The following FER1L5 variants were observed in gnomAD, a reference collection of about 807,000 sequenced individuals.
The protein encoded by FER1L5 is fer-1 like family member 5.
In FER1L5, 187 loss-of-function variants were observed where a neutral mutation model predicts 279.9. The ratio of observed to expected loss-of-function variants is 0.67; its 90% CI spans 0.59 to 0.75. The LOEUF (loss-of-function observed/expected upper bound fraction) is 0.75, where lower values mean the gene tolerates loss of function less well. Among genes scored for constraint, FER1L5 ranks in the 30% least tolerant of loss-of-function variants. The pLI is 0.00. For synonymous variants in FER1L5, 921 were observed against 989.7 expected (o/e 0.93, Z 1.30); for missense variants, 2,091 against 2,594.4 (o/e 0.81, Z 4.21).
chr2:96,659,399 T>G (rs1305539283), intron 9 of FER1L5, among the ~76,000 whole-genome samples: 1 of 9,414 alleles, frequency 1.1e-4, no homozygotes, highest in Non-Finnish European at 2.1e-4. Flanking sequence ...CTTTCTTTCT[T>G]TCTTTCTTTC....
rs551067975 is a variant in FER1L5, at chr2:96,694,272, C to T, written c.3637-88C>T. The T allele has an allele frequency of 8.1e-6, 11 of 1,363,394 alleles. No individual in the cohort carries two copies. The South Asian group carries it at 1.2e-4, about 15-fold the overall frequency. The allele number at this position is 1,363,394 out of a possible 1,614,324, so 84.5% of individuals were successfully genotyped here. A position where few individuals can be genotyped will look rare whatever the true frequency, so the allele number is the denominator to read the frequency against. On this transcript the variant is annotated intron_variant, in intron 33 of 52. Transcript: ENST00000624922. This position sits in a 1 kb window ranked among gnomAD's most constrained non-coding sequence, Gnocchi z 4.6. ...GCCCCTACCCATGGGGCTCTGGGCT[C>T]GGTGAGGCCTCTGAGGGACCTGCTT...
At position 96,687,862 on chromosome 2, in the gene FER1L5, G is replaced by A. The variant is rs537178633; in HGVS notation, c.2276G>A (p.Arg759Gln). The change falls in exon 24 of 53, where the codon CGG becomes CAG. Residue 759 changes from arginine to glutamine, a missense_variant. Coordinates refer to ENST00000624922, the MANE Select transcript of FER1L5 (RefSeq NM_001293083.2). ...GQKDVLPAHL[R>Q]VCMWLGNVTD... ...AAGGATGTGCTCCCAGCTCACCTCCGGGTCTGCATGTGGCTTGGCAATGTC... is the reference window on the plus strand; with the variant it reads ...AAGGATGTGCTCCCAGCTCACCTCCAGGTCTGCATGTGGCTTGGCAATGTC... 4.9e-5 allele frequency: 76 copies of A among 1,551,290 alleles called. No individual in the cohort carries two copies. In the South Asian group the frequency reaches 5.7e-4, roughly 12 times the overall value.
Position 96,702,375 on chromosome 2 carries a change from G to A in FER1L5, c.5229G>A (p.Glu1743=). The A allele has an allele frequency of 6.2e-7, 1 of 1,612,768 alleles. No individual in the cohort carries two copies. The highest frequency in any genetic ancestry group is 1.1e-5 in the South Asian group (1 of 90,650). Residue 1743 remains glutamate (E), a synonymous_variant, in exon 47 of 53, where the codon GAG becomes GAA. Transcript: ENST00000624922. The surrounding 1 kb of genome is among the most constrained non-coding windows in gnomAD (Gnocchi z 4.0). The stretch of plus-strand genomic sequence containing the variant: ...TGGTGGATGACAATTTAAGTAGAGA[G>A]AAGACGAGCGACATCTACATCAAAG... ...VDLVDDNLSR[E]KTSDIYIKGW... is the part of the protein sequence containing the mutation.
In FER1L5 at chr2:96,694,270, C is replaced by T. The variant is rs2077275352; in HGVS notation, c.3637-90C>T. ...CAGCCCCTACCCATGGGGCTCTGGG[C>T]TCGGTGAGGCCTCTGAGGGACCTGC... On this transcript the variant is annotated intron_variant, in intron 33 of 52. Transcript: ENST00000624922. This position sits in a 1 kb window ranked among gnomAD's most constrained non-coding sequence, Gnocchi z 4.6. The T allele has an allele frequency of 2.9e-6, 4 of 1,358,688 alleles. No individual in the cohort carries two copies. Among genetic ancestry groups the T allele is most frequent in the Non-Finnish European group, 3.9e-6 (4 of 1,014,480 alleles). 84.2% of individuals were successfully genotyped at this position (1,358,688 alleles called of 1,614,324 possible).
chr2:96,658,116 A>G (rs2075671751), intron 9 of FER1L5, among the ~76,000 whole-genome samples: 1 of 151,082 alleles, frequency 6.6e-6, no homozygotes, highest in Non-Finnish European at 1.5e-5. Flanking sequence ...TCCTGGGTTC[A>G]CATGATTTTC....
chr2:96,664,349 A>T (rs2076056398), intron 14 of FER1L5, among the ~76,000 whole-genome samples: 1 of 151,620 alleles, frequency 6.6e-6, no homozygotes, highest in Non-Finnish European at 1.5e-5. Flanking sequence ...TTCCTATTCC[A>T]CCCCCTCCCA....
In FER1L5 at chr2:96,685,836, G is replaced by T. The variant is rs1304437517; in HGVS notation, c.1896-104G>T. On this transcript the variant is annotated intron_variant, in intron 21 of 52. Transcript: ENST00000624922. Reference sequence around the variant, plus strand: ...CCAGGCTAGCAGCAGATGGGGGCAGGATCTTGAGGCCAGGAGGGGCACGCT... The same window carrying T: ...CCAGGCTAGCAGCAGATGGGGGCAGTATCTTGAGGCCAGGAGGGGCACGCT... 4 of 1,370,832 alleles carry T rather than the reference G, an allele frequency of 2.9e-6. No individual in the cohort carries two copies. In the South Asian group the frequency reaches 6.1e-5, roughly 21 times the overall value. The allele number at this position is 1,370,832 out of a possible 1,614,324, so 84.9% of individuals were successfully genotyped here.
At chr2:96,703,422 A>C (rs776164032) in intron 50 of FER1L5, 76 bp downstream of exon 50, 12 of 1,601,826 alleles carry the variant, frequency 7.5e-6, no homozygotes, top group Non-Finnish European at 9.4e-6. Flanking sequence ...CTAGGGACCT[A>C]GCTAAATCCC....
At chr2:96,648,128 G>A (rs2106426061) in intron 4 of FER1L5, among the ~76,000 whole-genome samples, 1 of 152,316 alleles carries the variant, frequency 6.6e-6, no homozygotes, top group Middle Eastern at 3.4e-3. Context: ...ATTGCCTTAA[G>A]CCCATGGTCT....
chr2:96,693,547 AC>A lies in FER1L5; in HGVS notation c.3337del (p.Gln1113LysfsTer3), dbSNP rs1156852328. The A allele has an allele frequency of 6.4e-7, 1 of 1,551,294 alleles. No individual in the cohort carries two copies. Among genetic ancestry groups the A allele is most frequent in the Admixed American group, 2.0e-5 (1 of 50,980 alleles). On this transcript the variant is annotated frameshift_variant, in exon 32 of 53. Transcript: ENST00000624922. LOFTEE classifies it high-confidence loss of function. ...RVVFLNHSQC[T>X]QTLRSSAGPT... Reference sequence around the variant, plus strand: ...GGTCTTCCTGAACCACAGCCAGTGCACCCAAACCCTGAGGAGCTCTGCAGGC... The same window carrying A: ...GGTCTTCCTGAACCACAGCCAGTGCACCAAACCCTGAGGAGCTCTGCAGGC...
chr2:96,678,110 T>G (rs2076577368), intron 19 of FER1L5, among the ~76,000 whole-genome samples: 1 of 152,170 alleles, frequency 6.6e-6, no homozygotes, highest in East Asian at 1.9e-4. Flanking sequence ...ACCTTTTTTT[T>G]TTTAATTTTT....
In FER1L5 at chr2:96,694,409, G is replaced by A; in HGVS notation, c.3686G>A (p.Gly1229Glu). 1 of 1,550,708 alleles carries A rather than the reference G, an allele frequency of 6.4e-7. No homozygotes were observed. Among genetic ancestry groups the A allele is most frequent in the African/African-American group, 1.4e-5 (1 of 73,136 alleles). ...ATCTTAAGCGTTCCCTGGAAGAATG[G>A]GGCATACACACTCCCCAAGAGCATC... Reference protein sequence around the residue: ...LPILSVPWKNGAYTLPKSIQP... With the variant: ...LPILSVPWKNEAYTLPKSIQP... Residue 1229 changes from glycine (G) to glutamate (E), a missense_variant, in exon 34 of 53, where the codon GGG (glycine) becomes GAG (glutamate). Transcript: ENST00000624922. The surrounding 1 kb of genome is among the most constrained non-coding windows in gnomAD (Gnocchi z 4.6).
chr2:96,699,535 A>G lies in FER1L5; in HGVS notation c.4611-15A>G, dbSNP rs2077514046. The G allele has an allele frequency of 3.1e-6, 5 of 1,609,678 alleles. No homozygotes were observed. Among genetic ancestry groups the G allele is most frequent in the Non-Finnish European group, 4.2e-6 (5 of 1,176,908 alleles). Reference sequence around the variant, plus strand: ...TTGCCCACATCCTCTGCAGTCTCCAACACCTCACCCCTAGGATGTTTGAAC... The same window carrying G: ...TTGCCCACATCCTCTGCAGTCTCCAGCACCTCACCCCTAGGATGTTTGAAC... On this transcript the variant is annotated splice_polypyrimidine_tract_variant and intron_variant, in intron 42 of 52. Transcript: ENST00000624922.
intron 18 of FER1L5, among the ~76,000 whole-genome samples, chr2:96,672,660 A>ATG (rs140636948): frequency 0.13 from 19,194 of 148,056 alleles, 2,499 homozygotes; most frequent in African/African-American, 0.34. Flanking sequence ...GGGAGTATGA[A>ATG]TGTGTGTGTG....
At position 96,650,101 on chromosome 2, in the gene FER1L5, A is replaced by C. The variant is rs755671234; in HGVS notation, c.395-79A>C. The stretch of plus-strand genomic sequence containing the variant: ...TAGTCAGGAGATGGTCACTGGGGAC[A>C]GAATGATGGAATGGGGAAAATACCT... On this transcript the variant is annotated intron_variant, in intron 5 of 52. Transcript: ENST00000624922. 11 of 1,120,086 alleles carry C rather than the reference A, an allele frequency of 9.8e-6. No individual in the cohort carries two copies. The Admixed American group carries it at 2.0e-4, about 20-fold the overall frequency. 69.4% of individuals were successfully genotyped at this position (1,120,086 alleles called of 1,614,324 possible).
chr2:96,680,863 G>A (rs2076696460), intron 19 of FER1L5, among the ~76,000 whole-genome samples: 1 of 151,932 alleles, frequency 6.6e-6, no homozygotes, highest in Non-Finnish European at 1.5e-5. Flanking sequence ...TGGATCAAAA[G>A]GAACAAGTAT....
chr2:96,694,323 C>T lies in FER1L5; in HGVS notation c.3637-37C>T. 6.6e-7 allele frequency: 1 copy of T among 1,510,706 alleles called. No individual in the cohort carries two copies. Among genetic ancestry groups the T allele is most frequent in the Non-Finnish European group, 8.9e-7 (1 of 1,123,200 alleles). 93.6% of individuals were successfully genotyped at this position (1,510,706 alleles called of 1,614,324 possible). A position where few individuals can be genotyped will look rare whatever the true frequency, so the allele number is the denominator to read the frequency against. Reference sequence around the variant, plus strand: ...GAGGTGAGGGTGAGGGCAGCAGGACCAGCCCAGAGGGCCTCATGCTCCCTG... The same window carrying T: ...GAGGTGAGGGTGAGGGCAGCAGGACTAGCCCAGAGGGCCTCATGCTCCCTG... On this transcript the variant is annotated intron_variant, in intron 33 of 52. Coordinates refer to ENST00000624922, the MANE Select transcript of FER1L5 (RefSeq NM_001293083.2). This position sits in a 1 kb window ranked among gnomAD's most constrained non-coding sequence, Gnocchi z 4.6.
Position 96,692,136 on chromosome 2 carries a change from T to C in FER1L5, c.3247T>C (p.Tyr1083His). Residue 1083 changes from tyrosine to histidine, a missense_variant, in exon 31 of 53, where the codon TAC (tyrosine) becomes CAC (histidine). Physicochemically the swap from Tyr to His is moderately conservative, Grantham distance 83. Coordinates refer to ENST00000624922, the MANE Select transcript of FER1L5 (RefSeq NM_001293083.2). ...CTACTACCAGCTCTTCTGCTACATCTACCAGGCCCGGAACCTGGTGTCCAA... is the reference window on the plus strand; with the variant it reads ...CTACTACCAGCTCTTCTGCTACATCCACCAGGCCCGGAACCTGGTGTCCAA... Reference protein sequence around the residue: ...PHYYQLFCYIYQARNLVSNQI... With the variant: ...PHYYQLFCYIHQARNLVSNQI... 1.3e-6 allele frequency: 2 copies of C among 1,551,590 alleles called. No individual in the cohort carries two copies. Among genetic ancestry groups the C allele is most frequent in the African/African-American group, 2.7e-5 (2 of 73,126 alleles).
intron 36 of FER1L5, 57 bp from the exon 37 acceptor site, chr2:96,695,995 C>A: frequency 6.2e-7 from 1 of 1,607,856 alleles, no homozygotes; most frequent in Non-Finnish European, 8.5e-7. Context: ...GGGGTTGGTG[C>A]TTCCTCCTCA....
Sources: allele counts gnomAD v4.1 joint callset (sites outside exome capture counted in the v4.1 genomes callset), GRCh38; gene constraint gnomAD v4.1.1; non-coding constraint Gnocchi (gnomAD v3.1); transcripts MANE v1.5; gene names NCBI Gene and HGNC (gene_info 2026-07-23, HGNC 2026-07-21).